Variants in PCDHB1 observed in about 807,000 individuals in gnomAD.
PCDHB1 encodes protocadherin beta 1, also known as protocadherin beta-1.
A neutral mutation model predicts 43.5 loss-of-function variants in PCDHB1; 44 were observed. The ratio of observed to expected loss-of-function variants is 1.01; its 90% CI spans 0.79 to 1.30. The LOEUF is 1.30. Ranked by LOEUF, PCDHB1 falls within the 50% of genes most tolerant of loss-of-function variation. PCDHB1 has a pLI of 0.00. For synonymous variants in PCDHB1, 392 were observed against 400.8 expected, an observed-to-expected ratio of 0.98 and a Z score of 0.26; for missense variants, 919 against 1,008.9, an observed-to-expected ratio of 0.91 and a Z score of 1.21.
In PCDHB1 at chr5:141,057,739, T is replaced by C. The variant is rs1326415707; in HGVS notation, c.*3812T>C. Reference sequence around the variant, plus strand: ...TCAGACTTCAAGTTCCCAAGAAAATTCCAATCCTACCTGATAACTTAAAAT... The same window carrying C: ...TCAGACTTCAAGTTCCCAAGAAAATCCCAATCCTACCTGATAACTTAAAAT... On this transcript the variant is annotated 3_prime_UTR_variant, in exon 1 of 1. Transcript: ENST00000306549. 1 of 152,104 alleles carries C rather than the reference T, an allele frequency of 6.6e-6. No homozygotes were observed. Among genetic ancestry groups the C allele is most frequent in the Non-Finnish European group, 1.5e-5 (1 of 68,008 alleles). 9.4% of individuals were successfully genotyped at this position (152,104 alleles called of 1,614,324 possible).
rs1423524433 is a variant in PCDHB1 at position 141,053,631 on chromosome 5, A to G, written c.2161A>G (p.Arg721Gly). 2 of 1,613,980 alleles carry G rather than the reference A, an allele frequency of 1.2e-6. No homozygotes were observed. The highest frequency in any genetic ancestry group is 1.7e-6 in the Non-Finnish European group (2 of 1,179,912). Residue 721 changes from arginine to glycine, a missense_variant, in exon 1 of 1, where the codon AGA becomes GGA. Coordinates refer to ENST00000306549, the MANE Select transcript of PCDHB1 (RefSeq NM_013340.4). ...IIHVYQKIKY[R>G]EKFTIQEHFY... is the part of the protein sequence containing the mutation. ...ACATGTCTACCAAAAGATTAAATATAGAGAAAAGTTCACAATTCAAGAGCA... is the reference window on the plus strand; with the variant it reads ...ACATGTCTACCAAAAGATTAAATATGGAGAAAAGTTCACAATTCAAGAGCA...
At position 141,052,843 on chromosome 5, in the gene PCDHB1, T is replaced by A; in HGVS notation, c.1373T>A (p.Ile458Asn). Residue 458 changes from isoleucine to asparagine, a missense_variant, in exon 1 of 1, where the codon ATC becomes AAC. Transcript: ENST00000306549. ...CCAATATTTCGGGAAGATTCCTATATCTTGACTGTTCGAGAAAACAACAGT... is the reference window on the plus strand; with the variant it reads ...CCAATATTTCGGGAAGATTCCTATAACTTGACTGTTCGAGAAAACAACAGT... ...NPPIFREDSYILTVRENNSPA... is the reference protein window; with the variant it reads ...NPPIFREDSYNLTVRENNSPA... 6.2e-7 allele frequency: 1 copy of A among 1,614,208 alleles called. No individual in the cohort carries two copies. The highest frequency in any genetic ancestry group is 8.5e-7 in the Non-Finnish European group (1 of 1,180,022).
In PCDHB1 at chr5:141,051,864, G is replaced by T; in HGVS notation, c.394G>T (p.Val132Phe). ...ATTTGATATCAATGACAATGCCCCAGTTTTCCTAAACAAGGAGCCGCTTTT... is the reference window on the plus strand; with the variant it reads ...ATTTGATATCAATGACAATGCCCCATTTTTCCTAAACAAGGAGCCGCTTTT... ...RVFDINDNAP[V>F]FLNKEPLLKI... is the part of the protein sequence containing the mutation. The change falls in exon 1 of 1, where the codon GTT (valine) becomes TTT (phenylalanine). Residue 132 changes from valine (V) to phenylalanine (F), a missense_variant. Physicochemically the swap from Val to Phe is conservative, Grantham distance 50. Coordinates refer to ENST00000306549, the MANE Select transcript of PCDHB1 (RefSeq NM_013340.4). The T allele has an allele frequency of 6.2e-7, 1 of 1,614,206 alleles. No homozygotes were observed. Among genetic ancestry groups the T allele is most frequent in the Non-Finnish European group, 8.5e-7 (1 of 1,180,030 alleles).
rs371501773 is a variant in PCDHB1, at chr5:141,053,787, C to T, written c.2317C>T (p.Arg773Cys). ...TGNSEFRFLKRFMPNFPFPHA... is the reference protein window; with the variant it reads ...TGNSEFRFLKCFMPNFPFPHA... ...TAATAGTGAGTTTCGCTTTCTTAAGCGTTTTATGCCCAACTTCCCTTTCCC... is the reference window on the plus strand; with the variant it reads ...TAATAGTGAGTTTCGCTTTCTTAAGTGTTTTATGCCCAACTTCCCTTTCCC... Residue 773 changes from arginine to cysteine, a missense_variant, in exon 1 of 1, where the codon CGT becomes TGT. Physicochemically the swap from Arg to Cys is radical, Grantham distance 180 (BLOSUM62 -3). Coordinates refer to ENST00000306549, the MANE Select transcript of PCDHB1 (RefSeq NM_013340.4). The T allele has an allele frequency of 9.5e-5, 153 of 1,614,048 alleles. No individual in the cohort carries two copies. The highest frequency in any genetic ancestry group is 1.2e-4 in the Non-Finnish European group (145 of 1,180,016).
rs1451263194 is a variant in PCDHB1 at position 141,059,307 on chromosome 5, T to C, written c.*5380T>C. The C allele has an allele frequency of 6.6e-6, 1 of 152,226 alleles. No homozygotes were observed. Among genetic ancestry groups the C allele is most frequent in the Admixed American group, 6.5e-5 (1 of 15,278 alleles). The allele number at this position is 152,226 out of a possible 1,614,324, so 9.4% of individuals were successfully genotyped here. ...AAAAATGGAATTGGTCTGTCTGATA[T>C]TATGTAATTCTCCTAAAAATAAAGA... is the stretch of plus-strand genomic sequence containing the variant. On this transcript the variant is annotated 3_prime_UTR_variant, in exon 1 of 1. Transcript: ENST00000306549.
In PCDHB1 at chr5:141,052,086, C is replaced by T; in HGVS notation, c.616C>T (p.Pro206Ser). 2 of 1,614,106 alleles carry T rather than the reference C, an allele frequency of 1.2e-6. No individual in the cohort carries two copies. Among genetic ancestry groups the T allele is most frequent in the African/African-American group, 2.7e-5 (2 of 75,048 alleles). ...CAAACCCCTGGACCGAGAGGAGCAG[C>T]CTGAAGTCAACTTGACAATTACGGC... ...LNKPLDREEQPEVNLTITAVD... is the reference protein window; with the variant it reads ...LNKPLDREEQSEVNLTITAVD... The change falls in exon 1 of 1, where the codon CCT becomes TCT. Residue 206 changes from proline to serine, a missense_variant. Coordinates refer to ENST00000306549, the MANE Select transcript of PCDHB1 (RefSeq NM_013340.4).
rs1554267303 is a variant in PCDHB1 at position 141,052,765 on chromosome 5, T to C, written c.1295T>C (p.Leu432Ser). 2 of 1,614,206 alleles carry C rather than the reference T, an allele frequency of 1.2e-6. No individual in the cohort carries two copies. The highest frequency in any genetic ancestry group is 1.7e-6 in the Non-Finnish European group (2 of 1,180,038). Residue 432 changes from leucine to serine, a missense_variant, in exon 1 of 1, where the codon TTG becomes TCG. Transcript: ENST00000306549. ...IVAMDTGPPS[L>S]SAETMIEVLI... ...GCCATGGATACTGGACCACCTAGCTTGTCTGCCGAGACTATGATAGAGGTG... is the reference window on the plus strand; with the variant it reads ...GCCATGGATACTGGACCACCTAGCTCGTCTGCCGAGACTATGATAGAGGTG...
At position 141,056,239 on chromosome 5, in the gene PCDHB1, C is replaced by T. The variant is rs1751131035; in HGVS notation, c.*2312C>T. 1 of 152,086 alleles carries T rather than the reference C, an allele frequency of 6.6e-6. No homozygotes were observed. The highest frequency in any genetic ancestry group is 6.5e-5 in the Admixed American group (1 of 15,274). 9.4% of individuals were successfully genotyped at this position (152,086 alleles called of 1,614,324 possible). A position where few individuals can be genotyped will look rare whatever the true frequency, so the allele number is the denominator to read the frequency against. ...CATGTTTATTGATACAAACTTCATT[C>T]TTGGACTTAATGACTGATACCTAAT... On this transcript the variant is annotated 3_prime_UTR_variant, in exon 1 of 1. Coordinates refer to ENST00000306549, the MANE Select transcript of PCDHB1 (RefSeq NM_013340.4).
Position 141,053,659 on chromosome 5 carries a change from T to G in PCDHB1, c.2189T>G (p.Phe730Cys). The change falls in exon 1 of 1, where the codon TTC (phenylalanine) becomes TGC (cysteine). Residue 730 changes from phenylalanine (F) to cysteine (C), a missense_variant. Physicochemically the swap from Phe to Cys is radical, Grantham distance 205. Transcript: ENST00000306549. ...GAAAAGTTCACAATTCAAGAGCATT[T>G]CTATGATGACTGTAATTTCTCTAAC... ...YREKFTIQEH[F>C]YDDCNFSNNL... 6.2e-7 allele frequency: 1 copy of G among 1,614,184 alleles called. No individual in the cohort carries two copies. Among genetic ancestry groups the G allele is most frequent in the South Asian group, 1.1e-5 (1 of 91,082 alleles).
Position 141,053,343 on chromosome 5 carries a change from A to G in PCDHB1, c.1873A>G (p.Ile625Val), listed in dbSNP as rs1751044752. ...TTCTGTTCAAAGACAAAATGGAGAA[A>G]TCCATACATTAAGGCAGATATCTGA... The part of the protein sequence containing the change: ...LFSVQRQNGE[I>V]HTLRQISERD... The change falls in exon 1 of 1, where the codon ATC (isoleucine) becomes GTC (valine). Residue 625 changes from isoleucine to valine, a missense_variant. Ile to Val is a conservative substitution (Grantham distance 29). Coordinates refer to ENST00000306549, the MANE Select transcript of PCDHB1 (RefSeq NM_013340.4). 1 of 1,614,170 alleles carries G rather than the reference A, an allele frequency of 6.2e-7. No homozygotes were observed. The highest frequency in any genetic ancestry group is 8.5e-7 in the Non-Finnish European group (1 of 1,180,018).
Position 141,052,317 on chromosome 5 carries a change from C to T in PCDHB1, c.847C>T (p.Gln283Ter). 6.2e-7 allele frequency: 1 copy of T among 1,614,232 alleles called. No individual in the cohort carries two copies. Among genetic ancestry groups the T allele is most frequent in the Non-Finnish European group, 8.5e-7 (1 of 1,180,042 alleles). The change falls in exon 1 of 1, where the codon CAA becomes TAA. Residue 283 changes from glutamine (Q) to a stop codon, truncating the protein, a stop_gained. Coordinates refer to ENST00000306549, the MANE Select transcript of PCDHB1 (RefSeq NM_013340.4). LOFTEE classifies it high-confidence loss of function. Reference protein sequence around the residue: ...TNKAITYSLAQNPEAILKTFQ... With the variant: ...TNKAITYSLA The stretch of plus-strand genomic sequence containing the variant: ...CAAAGCGATAACTTACTCTTTAGCT[C>T]AAAACCCAGAAGCAATTCTCAAGAC...
In PCDHB1 at chr5:141,054,492, C is replaced by T. The variant is rs1382617892; in HGVS notation, c.*565C>T. The T allele has an allele frequency of 1.3e-5, 2 of 152,292 alleles. No homozygotes were observed. Among genetic ancestry groups the T allele is most frequent in the African/African-American group, 2.4e-5 (1 of 41,374 alleles). The allele number at this position is 152,292 out of a possible 1,614,324, so 9.4% of individuals were successfully genotyped here. On this transcript the variant is annotated 3_prime_UTR_variant, in exon 1 of 1. Coordinates refer to ENST00000306549, the MANE Select transcript of PCDHB1 (RefSeq NM_013340.4). ...GATGAGTGATTATCTTTGATCAATA[C>T]CTTGCCTGCAATCATTCATAATCAT...
At position 141,055,452 on chromosome 5, in the gene PCDHB1, A is replaced by G. The variant is rs1220162871; in HGVS notation, c.*1525A>G. ...AACATAAAAATAAATACATAAATAC[A>G]TAAATACATAAGGCCTGCTGTAGTT... On this transcript the variant is annotated 3_prime_UTR_variant, in exon 1 of 1. Coordinates refer to ENST00000306549, the MANE Select transcript of PCDHB1 (RefSeq NM_013340.4). The G allele has an allele frequency of 2.0e-5, 3 of 152,192 alleles. No homozygotes were observed. The highest frequency in any genetic ancestry group is 2.9e-5 in the Non-Finnish European group (2 of 68,048). 9.4% of individuals were successfully genotyped at this position (152,192 alleles called of 1,614,324 possible). A position where few individuals can be genotyped will look rare whatever the true frequency, so the allele number is the denominator to read the frequency against.
Position 141,053,607 on chromosome 5 carries a change from C to T in PCDHB1, c.2137C>T (p.His713Tyr). 6.2e-7 allele frequency: 1 copy of T among 1,613,440 alleles called. No homozygotes were observed. The highest frequency in any genetic ancestry group is 8.5e-7 in the Non-Finnish European group (1 of 1,179,346). ...CTCTGTCATAGTGATCTTCATTATA[C>T]ATGTCTACCAAAAGATTAAATATAG... Reference protein sequence around the residue: ...LLSVIVIFIIHVYQKIKYREK... With the variant: ...LLSVIVIFIIYVYQKIKYREK... The change falls in exon 1 of 1, where the codon CAT becomes TAT. Residue 713 changes from histidine (H) to tyrosine (Y), a missense_variant. His to Tyr is a moderately conservative substitution (Grantham distance 83). Transcript: ENST00000306549.
Position 141,053,934 on chromosome 5 carries a change from T to C in PCDHB1, c.*7T>C, listed in dbSNP as rs1001805330. On this transcript the variant is annotated 3_prime_UTR_variant, in exon 1 of 1. Transcript: ENST00000306549. ...ATCTGATGACTATATGTAGCTCCTATTTACAGGCTCAGTGAGAGAAGAGAA... is the reference window on the plus strand; with the variant it reads ...ATCTGATGACTATATGTAGCTCCTACTTACAGGCTCAGTGAGAGAAGAGAA... 1.9e-6 allele frequency: 3 copies of C among 1,598,846 alleles called. No homozygotes were observed. Among genetic ancestry groups the C allele is most frequent in the Non-Finnish European group, 2.6e-6 (3 of 1,171,108 alleles).
rs782591373 is a variant in PCDHB1 at position 141,053,345 on chromosome 5, C to T, written c.1875C>T (p.Ile625=). ...CTGTTCAAAGACAAAATGGAGAAAT[C>T]CATACATTAAGGCAGATATCTGAGA... ...LFSVQRQNGE[I]HTLRQISERD... Residue 625 remains isoleucine, a synonymous_variant, in exon 1 of 1, where the codon ATC becomes ATT. Transcript: ENST00000306549. 8.7e-6 allele frequency: 14 copies of T among 1,614,040 alleles called. No homozygotes were observed. The highest frequency in any genetic ancestry group is 8.3e-5 in the Admixed American group (5 of 60,000).
In PCDHB1 at chr5:141,052,124, G is replaced by T. The variant is rs1345701480; in HGVS notation, c.654G>T (p.Gly218=). 2.5e-6 allele frequency: 4 copies of T among 1,612,788 alleles called. No homozygotes were observed. Among genetic ancestry groups the T allele is most frequent in the Non-Finnish European group, 3.4e-6 (4 of 1,179,528 alleles). ...TGACAATTACGGCGGTGGACGGCGG[G>T]TCCCCGCCTAAGTCTGGCACAGCTC... ...VNLTITAVDG[G]SPPKSGTAHI... Residue 218 remains glycine (G), a synonymous_variant, in exon 1 of 1, where the codon GGG becomes GGT. Transcript: ENST00000306549.
At position 141,051,747 on chromosome 5, in the gene PCDHB1, G is replaced by T. The variant is rs1326150754; in HGVS notation, c.277G>T (p.Glu93Ter). 22 of 1,614,152 alleles carry T rather than the reference G, an allele frequency of 1.4e-5. No individual in the cohort carries two copies. The African/African-American group carries it at 2.8e-4, about 21-fold the overall frequency. Residue 93 changes from glutamate (E) to a stop codon, truncating the protein, a stop_gained, in exon 1 of 1, where the codon GAG (glutamate) becomes TAG (stop). Transcript: ENST00000306549. LOFTEE classifies it high-confidence loss of function. ...GTTTGTGAAGGAGAAACTGGATCGG[G>T]AGTCACTTTGTGGCAAAGCCGACCC... ...DLFVKEKLDR[E>*]SLCGKADPCV... is the part of the protein sequence containing the mutation.
Position 141,053,693 on chromosome 5 carries a change from A to T in PCDHB1, c.2223A>T (p.Val741=). Reference sequence around the variant, plus strand: ...ACTGTAATTTCTCTAACAACCTGGTACAAGGACAAGGCAATGGATCCTTAT... The same window carrying T: ...ACTGTAATTTCTCTAACAACCTGGTTCAAGGACAAGGCAATGGATCCTTAT... ...YDDCNFSNNL[V]QGQGNGSLSR... is the part of the protein sequence containing the mutation. The change falls in exon 1 of 1, where the codon GTA becomes GTT. Residue 741 remains valine (V), a synonymous_variant. Transcript: ENST00000306549. 1 of 1,614,180 alleles carries T rather than the reference A, an allele frequency of 6.2e-7. No homozygotes were observed. Among genetic ancestry groups the T allele is most frequent in the South Asian group, 1.1e-5 (1 of 91,080 alleles).
Sources: gnomAD v4.1 joint callset for allele counts on GRCh38, gnomAD v4.1.1 for gene constraint, MANE v1.5 for transcripts, NCBI Gene and HGNC (gene_info 2026-07-23, HGNC 2026-07-21) for gene names.